The following ARHGAP10 variants were observed in gnomAD, a reference collection of about 807,000 sequenced individuals.
The protein encoded by ARHGAP10 is Rho GTPase activating protein 10, also known as rho GTPase-activating protein 10.
In ARHGAP10, 87 loss-of-function variants were observed where a neutral mutation model predicts 108.6. The ratio of observed to expected loss-of-function variants is 0.80; its 90% CI spans 0.67 to 0.96. The LOEUF (loss-of-function observed/expected upper bound fraction) is 0.96. Ranked by LOEUF, ARHGAP10 falls within the 40% of genes least tolerant of loss-of-function variation. The pLI is 0.00. For missense variants in ARHGAP10, 939 were observed against 954.5 expected (o/e 0.98, Z 0.21); for synonymous variants, 347 against 341.1 (o/e 1.02, Z -0.19).
At chr4:147,932,399 C>A (rs1474287985) in intron 13 of ARHGAP10, among the ~76,000 whole-genome samples, 1 of 152,066 alleles carries the variant, frequency 6.6e-6, no homozygotes, top group Non-Finnish European at 1.5e-5. Flanking sequence ...TGGAATCAAC[C>A]CAAATGCCCA....
At chr4:147,875,562 C>T (rs891034127) in intron 8 of ARHGAP10, among the ~76,000 whole-genome samples, 8 of 152,330 alleles carry the variant, frequency 5.3e-5, no homozygotes, top group East Asian at 3.9e-4. Flanking sequence ...TTCATACACA[C>T]GTATACGTCC....
intron 14 of ARHGAP10, among the ~76,000 whole-genome samples, chr4:147,940,843 A>G (rs1423935493): frequency 2.0e-5 from 3 of 152,216 alleles, no homozygotes; most frequent in Non-Finnish European, 4.4e-5. Context: ...TTAAGGATTT[A>G]ATAAGCAACA....
chr4:147,864,410 G>A (rs895209486), intron 5 of ARHGAP10: 2 of 155,740 alleles, frequency 1.3e-5, no homozygotes, highest in African/African-American at 4.8e-5. Context: ...TTCTCAGGCA[G>A]ACTTTATTCC....
At chr4:147,776,366 C>T (rs985293070) in intron 1 of ARHGAP10, among the ~76,000 whole-genome samples, 5 of 152,142 alleles carry the variant, frequency 3.3e-5, no homozygotes, top group Middle Eastern at 3.4e-3. Flanking sequence ...ATTACAGGAA[C>T]GCGTCACCAC....
intron 1 of ARHGAP10, among the ~76,000 whole-genome samples, chr4:147,819,078 G>A (rs1301598554): frequency 1.3e-5 from 2 of 152,202 alleles, no homozygotes; most frequent in Non-Finnish European, 2.9e-5. Flanking sequence ...ATGCAAATGA[G>A]CCCCAATTTA....
chr4:147,864,736 T>C, intron 5 of ARHGAP10, 110 bp from the exon 6 acceptor site: 1 of 805,038 alleles, frequency 1.2e-6, no homozygotes, highest in Admixed American at 2.7e-5. Context: ...ATTTACAAAA[T>C]CAGGCAGCAC....
chr4:147,757,062 G>C (rs1266611914), intron 1 of ARHGAP10, among the ~76,000 whole-genome samples: 1 of 151,896 alleles, frequency 6.6e-6, no homozygotes, highest in African/African-American at 2.4e-5. Context: ...AGGGAACCTG[G>C]GCTATAGTGG....
At chr4:147,950,467 G>T (rs939676201) in intron 15 of ARHGAP10, among the ~76,000 whole-genome samples, 3 of 152,208 alleles carry the variant, frequency 2.0e-5, no homozygotes, top group East Asian at 1.9e-4. Flanking sequence ...GCACCATGGC[G>T]TGAAGCTGAA....
rs1204909141 is a variant in ARHGAP10, at chr4:147,989,756, G to T, written c.1716+22917G>T. ...CTCAAACACACATGCTGTACAATTT[G>T]TGTAGTTAACGCAATTATTACAGGG... On this transcript the variant is annotated intron_variant, in intron 18 of 22. Transcript: ENST00000336498. 2.6e-5 allele frequency among the ~76,000 whole-genome samples: 4 copies of T among 152,212 alleles called. No homozygotes were observed. The South Asian group carries it at 8.3e-4, about 32-fold the overall frequency.
At chr4:148,005,003 A>G (rs1022178868) in intron 18 of ARHGAP10, among the ~76,000 whole-genome samples, 1 of 152,192 alleles carries the variant, frequency 6.6e-6, no homozygotes, top group Non-Finnish European at 1.5e-5. Flanking sequence ...TCTCCAAGAC[A>G]CTGGTATCCT....
intron 1 of ARHGAP10, among the ~76,000 whole-genome samples, chr4:147,761,649 C>A (rs1729597494): frequency 6.6e-6 from 1 of 152,220 alleles, no homozygotes. Flanking sequence ...TAAATTTACT[C>A]TCCATAAAAT....
At chr4:147,817,461 G>T (rs1732298400) in intron 1 of ARHGAP10, among the ~76,000 whole-genome samples, 1 of 152,190 alleles carries the variant, frequency 6.6e-6, no homozygotes, top group African/African-American at 2.4e-5. Context: ...TTTCTCAGTT[G>T]TAGAATCAAG....
At chr4:147,859,956 C>G (rs1156371156) in intron 5 of ARHGAP10, among the ~76,000 whole-genome samples, 2 of 152,116 alleles carry the variant, frequency 1.3e-5, no homozygotes, top group Non-Finnish European at 2.9e-5. Flanking sequence ...GTGTGAAGCC[C>G]TTAATAGGGG....
At chr4:148,015,228 C>T (rs1741303691) in intron 18 of ARHGAP10, among the ~76,000 whole-genome samples, 1 of 152,108 alleles carries the variant, frequency 6.6e-6, no homozygotes, top group African/African-American at 2.4e-5. Context: ...CAAAATCTCC[C>T]CAGAAGAGGA....
intron 7 of ARHGAP10, 63 bp downstream of exon 7, chr4:147,866,879 G>C: frequency 7.3e-7 from 1 of 1,367,698 alleles, no homozygotes; most frequent in Admixed American, 1.8e-5. Context: ...TTTGTGTGTT[G>C]TATGAAAAGC....
intron 14 of ARHGAP10, among the ~76,000 whole-genome samples, chr4:147,945,748 A>C (rs1738352397): frequency 6.6e-6 from 1 of 152,168 alleles, no homozygotes; most frequent in Non-Finnish European, 1.5e-5. Flanking sequence ...ATGATGATGC[A>C]GGATTTTTTT....
intron 1 of ARHGAP10, among the ~76,000 whole-genome samples, chr4:147,756,222 G>A (rs1039009480): frequency 6.6e-6 from 1 of 152,070 alleles, no homozygotes; most frequent in Non-Finnish European, 1.5e-5. Context: ...TACCTCATGG[G>A]CCGCAGTTCT....
chr4:147,905,713 T>C (rs1477394921), intron 10 of ARHGAP10, among the ~76,000 whole-genome samples: 2 of 148,936 alleles, frequency 1.3e-5, no homozygotes, highest in Non-Finnish European at 3.0e-5. Context: ...CTTGGCGATG[T>C]GGGCTCTTTT....
intron 18 of ARHGAP10, among the ~76,000 whole-genome samples, chr4:148,001,351 G>T (rs1382577911): frequency 6.6e-6 from 1 of 152,200 alleles, no homozygotes; most frequent in African/African-American, 2.4e-5. Flanking sequence ...GTAGCGTGAT[G>T]CCTCCAGCTT....
Sources: gnomAD v4.1 joint callset for allele counts (sites outside exome capture counted in the v4.1 genomes callset) on GRCh38, gnomAD v4.1.1 for gene constraint, MANE v1.5 for transcripts, NCBI Gene and HGNC (gene_info 2026-07-23, HGNC 2026-07-21) for gene names.